Variants in IMMP2L observed in about 807,000 individuals in gnomAD.
IMMP2L encodes mitochondrial inner membrane protease subunit 2.
Under a neutral mutation model 19.3 loss-of-function variants are expected in IMMP2L, and 18 were observed. The ratio of observed to expected loss-of-function variants is 0.93; its 90% CI spans 0.64 to 1.38. IMMP2L has a LOEUF of 1.38. IMMP2L is among the 40% of genes most tolerant of loss of function. The pLI is 0.00. For missense variants in IMMP2L, 233 were observed against 218.2 expected, an observed-to-expected ratio of 1.07 and a Z score of -0.43; for synonymous variants, 76 against 73.0, an observed-to-expected ratio of 1.04 and a Z score of -0.21.
At chr7:111,197,522 C>G (rs1036802718) in intron 3 of IMMP2L, among the ~76,000 whole-genome samples, 1 of 152,040 alleles carries the variant, frequency 6.6e-6, no homozygotes, top group Non-Finnish European at 1.5e-5. Context: ...AAATAATTCT[C>G]AAGGTAATAT....
chr7:110,822,183 T>C (rs957922993), intron 5 of IMMP2L, among the ~76,000 whole-genome samples: 7 of 152,168 alleles, frequency 4.6e-5, no homozygotes, highest in African/African-American at 1.4e-4. Flanking sequence ...ATTACTTACC[T>C]GAATCAGAAA....
In IMMP2L at chr7:110,886,834, T is replaced by C. The variant is rs1433525515; in HGVS notation, c.306-139A>G. The C allele has an allele frequency of 1.8e-5, 9 of 498,128 alleles. No individual in the cohort carries two copies. The Admixed American group carries it at 3.4e-4, about 19-fold the overall frequency. The allele number at this position is 498,128 out of a possible 1,614,324, so 30.9% of individuals were successfully genotyped here. Reference sequence around the variant, plus strand: ...ATGAAGCTTCTCCATAATTTCATTTTTAAGGAAGATGTGGTTAGAGCAATT... The same window carrying C: ...ATGAAGCTTCTCCATAATTTCATTTCTAAGGAAGATGTGGTTAGAGCAATT... On this transcript the variant is annotated intron_variant, in intron 4 of 5. Coordinates refer to ENST00000405709, the MANE Select transcript of IMMP2L (RefSeq NM_032549.4).
intron 5 of IMMP2L, among the ~76,000 whole-genome samples, chr7:110,840,337 A>G (rs966054707): frequency 6.6e-6 from 1 of 152,156 alleles, no homozygotes; most frequent in Non-Finnish European, 1.5e-5. Context: ...TGAATGTGCC[A>G]TCGATTTCCT....
At chr7:111,113,822 G>T (rs891040360) in intron 3 of IMMP2L, among the ~76,000 whole-genome samples, 2 of 151,930 alleles carry the variant, frequency 1.3e-5, no homozygotes, top group African/African-American at 4.8e-5. Context: ...GAAGATAAAA[G>T]GATGACATCA....
chr7:110,887,751 T>C (rs75852959), intron 4 of IMMP2L, among the ~76,000 whole-genome samples: 4,616 of 151,382 alleles, frequency 0.03, 173 homozygotes, highest in East Asian at 0.14. Context: ...TTTTTTTTTT[T>C]TCTCTCTTTT....
intron 5 of IMMP2L, among the ~76,000 whole-genome samples, chr7:110,705,659 G>C (rs1794616372): frequency 6.6e-6 from 1 of 151,938 alleles, no homozygotes; most frequent in African/African-American, 2.4e-5. Context: ...TGAGGTTTGG[G>C]ATATGAATGA....
chr7:110,771,444 G>A (rs536513048), intron 5 of IMMP2L, among the ~76,000 whole-genome samples: 2 of 152,266 alleles, frequency 1.3e-5, no homozygotes, highest in African/African-American at 4.8e-5. Context: ...ACTGGAGCAG[G>A]GTGGTTGAGA....
intron 2 of IMMP2L, among the ~76,000 whole-genome samples, chr7:111,509,885 T>A (rs542319581): frequency 6.6e-6 from 1 of 152,274 alleles, no homozygotes; most frequent in South Asian, 2.1e-4. Flanking sequence ...TTCAGGCATA[T>A]CAATGCTTCA....
In IMMP2L at chr7:111,479,517, G is replaced by A. The variant is rs538938673; in HGVS notation, c.239+7721C>T. Among the ~76,000 whole-genome samples the A allele has an allele frequency of 3.3e-5, 5 of 152,028 alleles. 1 individual carries two copies. The South Asian group carries it at 1.0e-3, about 32-fold the overall frequency. ...GACACCCTTATATGACGGTTGATTTGCCTTGTGTTCTATTTCCTGCTTGAA... is the reference window on the plus strand; with the variant it reads ...GACACCCTTATATGACGGTTGATTTACCTTGTGTTCTATTTCCTGCTTGAA... On this transcript the variant is annotated intron_variant, in intron 3 of 5. Transcript: ENST00000405709.
At chr7:111,357,138 T>C (rs984138461) in intron 3 of IMMP2L, among the ~76,000 whole-genome samples, 1 of 152,216 alleles carries the variant, frequency 6.6e-6, no homozygotes, top group African/African-American at 2.4e-5. Context: ...AGAAGGAATG[T>C]GGACACAGAC....
At chr7:111,267,930 A>T (rs1255913892) in intron 3 of IMMP2L, among the ~76,000 whole-genome samples, 5 of 152,146 alleles carry the variant, frequency 3.3e-5, no homozygotes, top group Admixed American at 1.3e-4. Context: ...TTCAAAGAAG[A>T]AGTAGTAAAT....
chr7:111,350,326 C>G (rs1325701038), intron 3 of IMMP2L, among the ~76,000 whole-genome samples: 1 of 148,538 alleles, frequency 6.7e-6, no homozygotes, highest in Admixed American at 6.8e-5. Context: ...AACTATATTA[C>G]ATATCATCAA....
In IMMP2L at chr7:111,340,079, G is replaced by A. The variant is rs560695041; in HGVS notation, c.239+147159C>T. On this transcript the variant is annotated intron_variant, in intron 3 of 5. Transcript: ENST00000405709. ...TATTAAACATAATCAAGAAACTCTA[G>A]TACATGTGGAAAAAATAGAAAAAAA... Among the ~76,000 whole-genome samples, 4 of 151,848 alleles carry A rather than the reference G, an allele frequency of 2.6e-5. No homozygotes were observed. In the East Asian group the frequency reaches 7.7e-4, roughly 29 times the overall value.
intron 3 of IMMP2L, among the ~76,000 whole-genome samples, chr7:111,418,784 T>A (rs763896812): frequency 6.6e-6 from 1 of 151,840 alleles, no homozygotes. Flanking sequence ...AAGAGATTGC[T>A]CCTAAAACAA....
intron 2 of IMMP2L, among the ~76,000 whole-genome samples, chr7:111,511,157 A>G (rs1185533494): frequency 1.3e-5 from 2 of 152,128 alleles, no homozygotes; most frequent in Non-Finnish European, 2.9e-5. Context: ...TCTTACAACT[A>G]AAACACCCTG....
At chr7:110,719,472 G>C (rs1034092575) in intron 5 of IMMP2L, among the ~76,000 whole-genome samples, 12 of 152,032 alleles carry the variant, frequency 7.9e-5, no homozygotes, top group African/African-American at 2.7e-4. Context: ...AAAAGCTGTA[G>C]AGTCAAATGA....
intron 3 of IMMP2L, among the ~76,000 whole-genome samples, chr7:111,006,467 C>T (rs1824304444): frequency 6.6e-6 from 1 of 152,126 alleles, no homozygotes; most frequent in Admixed American, 6.6e-5. Flanking sequence ...GAAGCAAAAG[C>T]ATTTTCCCAT....
intron 3 of IMMP2L, among the ~76,000 whole-genome samples, chr7:111,450,955 A>G (rs1322826776): frequency 4.6e-5 from 7 of 151,724 alleles, no homozygotes; most frequent in Non-Finnish European, 1.0e-4. Context: ...AAACACATGA[A>G]AAAATGCTCA....
chr7:110,766,681 T>G (rs1798689349), intron 5 of IMMP2L, among the ~76,000 whole-genome samples: 1 of 152,058 alleles, frequency 6.6e-6, no homozygotes, highest in South Asian at 2.1e-4. Context: ...TCACATTAAT[T>G]TGCCATTTTT....
Sources: gnomAD v4.1 joint callset for allele counts (sites outside exome capture counted in the v4.1 genomes callset) on GRCh38, gnomAD v4.1.1 for gene constraint, MANE v1.5 for transcripts, NCBI Gene and HGNC (gene_info 2026-07-23, HGNC 2026-07-21) for gene names.